Variants in RIBC2 observed in about 807,000 individuals in gnomAD.
RIBC2 encodes the protein RIB43A-like with coiled-coils protein 2.
In RIBC2, 40 loss-of-function variants were observed where a neutral mutation model predicts 44.3. The ratio of observed to expected loss-of-function variants is 0.90; its 90% CI spans 0.70 to 1.18. RIBC2 has a LOEUF of 1.18. Ranked by LOEUF, RIBC2 falls within the 50% of genes most tolerant of loss-of-function variation. The probability of loss-of-function intolerance (pLI) is 0.00; values close to 1 mark genes in which losing one functional copy is unlikely to be tolerated. For synonymous variants in RIBC2, 171 were observed against 175.0 expected (o/e 0.98, Z 0.18); for missense variants, 459 against 485.5 (o/e 0.95, Z 0.51).
At chr22:45,416,834 G>A (rs930829424) in intron 2 of RIBC2, among the ~76,000 whole-genome samples, 1 of 150,716 alleles carries the variant, frequency 6.6e-6, no homozygotes, top group Non-Finnish European at 1.5e-5. Flanking sequence ...TTTTGCCTTC[G>A]ATTCATTGGA....
chr22:45,413,704 T>C lies in RIBC2; in HGVS notation c.-183T>C. ...TTCCTTAGCAACGAGTTGTTGACAT[T>C]TCCGAGAGAGCGGGAGCGTCTGTAC... is the stretch of plus-strand genomic sequence containing the variant. On this transcript the variant is annotated 5_prime_UTR_variant, in exon 1 of 7. Transcript: ENST00000614167. 8.6e-7 allele frequency: 1 copy of C among 1,167,546 alleles called. No individual in the cohort carries two copies. Among genetic ancestry groups the C allele is most frequent in the South Asian group, 1.5e-5 (1 of 67,940 alleles). The allele number at this position is 1,167,546 out of a possible 1,614,324, so 72.3% of individuals were successfully genotyped here.
At position 45,430,973 on chromosome 22, in the gene RIBC2, T is replaced by C; in HGVS notation, c.977T>C (p.Leu326Pro). ...AGGATTCAGGGGGCTCGCGCCACCC[T>C]GCTGTTTGAGCGGCAGCAGTGGCGG... ...RRRIQGARATLLFERQQWRRQ... is the reference protein window; with the variant it reads ...RRRIQGARATPLFERQQWRRQ... The change falls in exon 6 of 7, where the codon CTG becomes CCG. Residue 326 changes from leucine to proline, a missense_variant. By Grantham distance (98) the Leu-to-Pro change is moderately conservative (BLOSUM62 -3). Coordinates refer to ENST00000614167, the MANE Select transcript of RIBC2 (RefSeq NM_015653.5). 6.2e-7 allele frequency: 1 copy of C among 1,608,000 alleles called. No individual in the cohort carries two copies.
intron 4 of RIBC2, among the ~76,000 whole-genome samples, chr22:45,425,400 C>T (rs955965020): frequency 2.6e-5 from 4 of 152,190 alleles, no homozygotes; most frequent in African/African-American, 9.7e-5. Flanking sequence ...GAAATGACTG[C>T]AGCCCAGAGA....
chr22:45,415,708 A>G (rs1484589647), intron 2 of RIBC2, among the ~76,000 whole-genome samples: 1 of 146,190 alleles, frequency 6.8e-6, no homozygotes, highest in Non-Finnish European at 1.5e-5. Flanking sequence ...TTTTTTTTCT[A>G]TTTTCTTTTG....
At chr22:45,421,907 C>T (rs1350896888) in intron 3 of RIBC2, among the ~76,000 whole-genome samples, 1 of 152,246 alleles carries the variant, frequency 6.6e-6, no homozygotes, top group Admixed American at 6.5e-5. Flanking sequence ...CTTGCTCTTT[C>T]ACTTCTGGAT....
At position 45,418,006 on chromosome 22, in the gene RIBC2, GTT is replaced by G. The variant is rs67045505; in HGVS notation, c.556+74_556+75del. The G allele has an allele frequency of 3.0e-3, 1,759 of 595,188 alleles. 68 individuals carry two copies. The highest frequency in any genetic ancestry group is 4.4e-3 in the East Asian group (121 of 27,574). The allele number at this position is 595,188 out of a possible 1,614,324, so 36.9% of individuals were successfully genotyped here. A position where few individuals can be genotyped will look rare whatever the true frequency, so the allele number is the denominator to read the frequency against. ...CTCTCTTCAACAAACCAACCCTACA[GTT>G]TTTTTTTTTTTTTAAGCAACCCTAC... On this transcript the variant is annotated intron_variant, in intron 3 of 6. Transcript: ENST00000614167.
chr22:45,413,947 G>T lies in RIBC2; in HGVS notation c.61G>T (p.Ala21Ser). Residue 21 changes from alanine to serine, a missense_variant, in exon 1 of 7, where the codon GCA (alanine) becomes TCA (serine). Coordinates refer to ENST00000614167, the MANE Select transcript of RIBC2 (RefSeq NM_015653.5). ...PRDLRQDANLAKRRHAELCRQ... is the reference protein window; with the variant it reads ...PRDLRQDANLSKRRHAELCRQ... ...GGACTTGCGGCAGGACGCCAACCTG[G>T]CAAAGAGGAGGCACGCGGAGCTGTG... 6.4e-7 allele frequency: 1 copy of T among 1,551,722 alleles called. No individual in the cohort carries two copies. Among genetic ancestry groups the T allele is most frequent in the Non-Finnish European group, 8.7e-7 (1 of 1,146,982 alleles).
intron 4 of RIBC2, among the ~76,000 whole-genome samples, chr22:45,425,140 C>A (rs1388933542): frequency 6.6e-5 from 10 of 150,924 alleles, no homozygotes; most frequent in African/African-American, 2.5e-4. Context: ...AACAAACAAA[C>A]AAACAAAAAA....
In RIBC2 at chr22:45,429,794, T is replaced by C. The variant is rs2087563405; in HGVS notation, c.904-1106T>C. Among the ~76,000 whole-genome samples the C allele has an allele frequency of 4.6e-5, 7 of 152,116 alleles. No homozygotes were observed. The South Asian group carries it at 1.5e-3, about 32-fold the overall frequency. ...CTGAAAGCAGTATTGCTGTCTAGTT[T>C]TCATTTTTTGTAGAAAATTAAGAAG... On this transcript the variant is annotated intron_variant, in intron 5 of 6. Transcript: ENST00000614167.
At chr22:45,432,211 C>CA (rs35724408) in intron 6 of RIBC2, 73 bp from the exon 7 acceptor site, 19,159 of 652,434 alleles carry the variant, frequency 0.029, 3 homozygotes, top group Non-Finnish European at 0.035. Flanking sequence ...TGTGCCTTTT[C>CA]AAAAAAAAAA....
intron 5 of RIBC2, among the ~76,000 whole-genome samples, chr22:45,429,813 T>G (rs929807530): frequency 6.6e-6 from 1 of 152,088 alleles, no homozygotes; most frequent in Non-Finnish European, 1.5e-5. Flanking sequence ...TGTAGAAAAT[T>G]AAGAAGACAG....
intron 5 of RIBC2, among the ~76,000 whole-genome samples, chr22:45,429,954 C>G (rs1029827350): frequency 1.3e-5 from 2 of 152,314 alleles, no homozygotes; most frequent in Admixed American, 1.3e-4. Context: ...GATCTCACCT[C>G]AAACAGCTGG....
At chr22:45,425,060 G>T (rs1227324213) in intron 4 of RIBC2, among the ~76,000 whole-genome samples, 1 of 152,052 alleles carries the variant, frequency 6.6e-6, no homozygotes, top group Non-Finnish European at 1.5e-5. Flanking sequence ...GGCAGAGGTT[G>T]CAGTGAGCCG....
At position 45,425,764 on chromosome 22, in the gene RIBC2, C is replaced by T. The variant is rs140412657; in HGVS notation, c.676-184C>T. On this transcript the variant is annotated intron_variant, in intron 4 of 6. Coordinates refer to ENST00000614167, the MANE Select transcript of RIBC2 (RefSeq NM_015653.5). The stretch of plus-strand genomic sequence containing the variant: ...AGTCCAGCCCACCCGCCCAGCAGTG[C>T]GCAGGCAGCCAGGGGTTCAAGGACC... Among the ~76,000 whole-genome samples the T allele has an allele frequency of 1.2e-4, 18 of 152,260 alleles. No homozygotes were observed. In the East Asian group the frequency reaches 2.7e-3, roughly 23 times the overall value.
chr22:45,414,944 C>T (rs558224260), intron 2 of RIBC2, among the ~76,000 whole-genome samples: 1 of 152,036 alleles, frequency 6.6e-6, no homozygotes, highest in Non-Finnish European at 1.5e-5. Flanking sequence ...CACATATGTC[C>T]GGGCTCACAC....
intron 6 of RIBC2, among the ~76,000 whole-genome samples, chr22:45,431,292 A>C (rs1373186434): frequency 6.6e-6 from 1 of 152,170 alleles, no homozygotes. Flanking sequence ...GGAAAGCCCC[A>C]GGGAAGAGCA....
At chr22:45,422,784 T>G (rs1469014944) in intron 4 of RIBC2, among the ~76,000 whole-genome samples, 1 of 152,032 alleles carries the variant, frequency 6.6e-6, no homozygotes, top group Non-Finnish European at 1.5e-5. Flanking sequence ...AGACTTCCCC[T>G]TTACTGAGAA....
intron 1 of RIBC2, 21 bp from the exon 2 acceptor site, chr22:45,414,301 C>T (rs765230453): frequency 2.1e-5 from 32 of 1,543,302 alleles, no homozygotes; most frequent in Admixed American, 1.2e-4. Flanking sequence ...TAACCCTTCT[C>T]CTCTGTTTTT....
At chr22:45,416,833 C>T (rs920776379) in intron 2 of RIBC2, among the ~76,000 whole-genome samples, 5 of 150,934 alleles carry the variant, frequency 3.3e-5, no homozygotes, top group East Asian at 2.0e-4. Context: ...ATTTTGCCTT[C>T]GATTCATTGG....
Sources: allele counts gnomAD v4.1 joint callset (sites outside exome capture counted in the v4.1 genomes callset), GRCh38; gene constraint gnomAD v4.1.1; transcripts MANE v1.5; gene names NCBI Gene and HGNC (gene_info 2026-07-23, HGNC 2026-07-21).